The following CHD7 variants were observed in gnomAD, a reference collection of about 807,000 sequenced individuals.
CHD7 encodes the protein ATP-dependent chromatin remodeler CHD7.
In CHD7, 24 loss-of-function variants were observed where a neutral mutation model predicts 307.3. The ratio of observed to expected loss-of-function variants is 0.08; its 90% CI spans 0.06 to 0.11. CHD7 has a LOEUF of 0.11. Ranked by LOEUF, CHD7 falls within the 10% of genes least tolerant of loss-of-function variation. CHD7 has a pLI of 1.00. For missense variants in CHD7, 3,106 were observed against 3,727.1 expected, an observed-to-expected ratio of 0.83 and a Z score of 4.34; for synonymous variants, 1,363 against 1,349.9, an observed-to-expected ratio of 1.01 and a Z score of -0.21.
intron 34 of CHD7, among the ~76,000 whole-genome samples, chr8:60,859,493 T>A (rs994018436): frequency 1.2e-4 from 19 of 152,210 alleles, no homozygotes; most frequent in Admixed American, 1.1e-3. Flanking sequence ...TAAATCATAA[T>A]GTGTCCTGGT....
At chr8:60,767,075 C>G (rs898991210) in intron 2 of CHD7, among the ~76,000 whole-genome samples, 1 of 152,080 alleles carries the variant, frequency 6.6e-6, no homozygotes, top group Non-Finnish European at 1.5e-5. Context: ...TGCGAAGAAG[C>G]GAGGAGTGAG....
At position 60,779,918 on chromosome 8, in the gene CHD7, G is replaced by A. The variant is rs138677898; in HGVS notation, c.1666-1082G>A. On this transcript the variant is annotated intron_variant, in intron 2 of 37. Coordinates refer to ENST00000423902, the MANE Select transcript of CHD7 (RefSeq NM_017780.4). ...CACCTAACGCTTAGGGCTGGTGTGA[G>A]GATTGAATGGTACCACGGTGTAAAG... Among the ~76,000 whole-genome samples the A allele has an allele frequency of 3.9e-5, 6 of 152,274 alleles. No individual in the cohort carries two copies. In the East Asian group the frequency reaches 1.2e-3, roughly 29 times the overall value.
At chr8:60,797,444 A>G (rs113747424) in intron 4 of CHD7, among the ~76,000 whole-genome samples, 5 of 152,364 alleles carry the variant, frequency 3.3e-5, no homozygotes, top group African/African-American at 9.6e-5. Flanking sequence ...ATAAATTTCT[A>G]TTTAAAAAGA....
chr8:60,773,056 C>T (rs570663531), intron 2 of CHD7, among the ~76,000 whole-genome samples: 60 of 152,290 alleles, frequency 3.9e-4, no homozygotes, highest in Non-Finnish European at 6.2e-4. Context: ...ACAATATCAC[C>T]CACCTCACCA....
chr8:60,781,132 A>G lies in CHD7; in HGVS notation c.1798A>G (p.Lys600Glu), dbSNP rs775890348. 11 of 1,610,622 alleles carry G rather than the reference A, an allele frequency of 6.8e-6. No individual in the cohort carries two copies. Among genetic ancestry groups the G allele is most frequent in the Non-Finnish European group, 9.3e-6 (11 of 1,178,312 alleles). ...ACAGCAGCCACAACAAAAGAAGAAG[A>G]AAAAGAAAAACAACCACATTGTAGC... The part of the protein sequence containing the change: ...IEQQPQQKKK[K>E]KKNNHIVAED... The change falls in exon 3 of 38, where the codon AAA (lysine) becomes GAA (glutamate). Residue 600 changes from lysine (K) to glutamate (E), a missense_variant. Transcript: ENST00000423902.
At chr8:60,805,812 CAT>C (rs1367563290) in intron 6 of CHD7, among the ~76,000 whole-genome samples, 4 of 151,918 alleles carry the variant, frequency 2.6e-5, no homozygotes, top group Non-Finnish European at 2.9e-5. Context: ...TGATTTATAA[CAT>C]ATATATCAGT....
intron 1 of CHD7, among the ~76,000 whole-genome samples, chr8:60,700,492 G>A (rs7004550): frequency 0.037 from 5,606 of 152,246 alleles, 324 homozygotes; most frequent in African/African-American, 0.13. Context: ...TCAGCACCAC[G>A]GAAGATTACT....
intron 1 of CHD7, among the ~76,000 whole-genome samples, chr8:60,700,695 A>G (rs983951372): frequency 6.6e-6 from 1 of 152,238 alleles, no homozygotes; most frequent in African/African-American, 2.4e-5. Context: ...GTTGGCAGCC[A>G]TTGGAGGCAG....
chr8:60,678,959 C>A lies in CHD7; in HGVS notation c.-298C>A, dbSNP rs886063028. 7 of 151,960 alleles carry A rather than the reference C, an allele frequency of 4.6e-5. No individual in the cohort carries two copies. Among genetic ancestry groups the A allele is most frequent in the African/African-American group, 1.2e-4 (5 of 41,370 alleles). 9.4% of individuals were successfully genotyped at this position (151,960 alleles called of 1,614,324 possible). ...CTGAAACTCACCAGAGACCCGTTCG[C>A]CCCCGGCCAACTCCGTGCCCGTGGA... On this transcript the variant is annotated 5_prime_UTR_variant, in exon 1 of 38. Transcript: ENST00000423902.
At chr8:60,767,231 G>A (rs1257412210) in intron 2 of CHD7, among the ~76,000 whole-genome samples, 1 of 152,176 alleles carries the variant, frequency 6.6e-6, no homozygotes, top group African/African-American at 2.4e-5. Context: ...AGTGAAAACA[G>A]CAAATATTGT....
At chr8:60,679,440 G>GGC (rs1805454228) in intron 1 of CHD7, 1 of 145,778 alleles carries the variant, frequency 6.9e-6, no homozygotes, top group Non-Finnish European at 1.5e-5. Flanking sequence ...TGCCGGCGTG[G>GGC]GGGGGGGGTA....
chr8:60,857,020 GT>G, intron 34 of CHD7, 132 bp downstream of exon 34: 1 of 732,902 alleles, frequency 1.4e-6, no homozygotes, highest in Non-Finnish European at 2.2e-6. Flanking sequence ...TAAAGAAATA[GT>G]TTTACAATAA....
chr8:60,864,105 A>C (rs1806133459), intron 37 of CHD7: 1 of 151,324 alleles, frequency 6.6e-6, no homozygotes, highest in Non-Finnish European at 1.5e-5. Flanking sequence ...TGCAAGGTGT[A>C]CAGCACAGTG....
intron 6 of CHD7, among the ~76,000 whole-genome samples, chr8:60,807,019 A>G (rs1457061272): frequency 6.6e-6 from 1 of 152,202 alleles, no homozygotes; most frequent in Admixed American, 6.5e-5. Flanking sequence ...AGCAAATCCT[A>G]TCTCAGAAAA....
At chr8:60,754,536 A>G (rs572045719) in intron 2 of CHD7, among the ~76,000 whole-genome samples, 27 of 152,268 alleles carry the variant, frequency 1.8e-4, no homozygotes, top group Middle Eastern at 3.4e-3. Flanking sequence ...ATTTTGGAAA[A>G]CAGGACATCA....
At chr8:60,837,952 T>G (rs924683791) in intron 18 of CHD7, 117 bp downstream of exon 18, 51 of 1,261,522 alleles carry the variant, frequency 4.0e-5, no homozygotes, top group Non-Finnish European at 5.5e-5. Flanking sequence ...TAAGTGTATT[T>G]TGTAACACTT....
At chr8:60,761,260 C>A (rs1432908301) in intron 2 of CHD7, among the ~76,000 whole-genome samples, 1 of 145,418 alleles carries the variant, frequency 6.9e-6, no homozygotes, top group South Asian at 2.1e-4. Flanking sequence ...CCAAACACCG[C>A]ATATTCTCAC....
intron 34 of CHD7, among the ~76,000 whole-genome samples, chr8:60,859,339 C>G (rs923542368): frequency 2.0e-5 from 3 of 152,206 alleles, no homozygotes; most frequent in African/African-American, 7.2e-5. Context: ...AGCACTCTAA[C>G]TGTGCTGCCA....
At chr8:60,758,719 A>G (rs1259199278) in intron 2 of CHD7, among the ~76,000 whole-genome samples, 1 of 152,180 alleles carries the variant, frequency 6.6e-6, no homozygotes, top group Non-Finnish European at 1.5e-5. Flanking sequence ...AGGGTGGCCC[A>G]TTCAACTCAC....
Sources: gnomAD v4.1 joint callset for allele counts (sites outside exome capture counted in the v4.1 genomes callset) on GRCh38, gnomAD v4.1.1 for gene constraint, MANE v1.5 for transcripts, NCBI Gene and HGNC (gene_info 2026-07-23, HGNC 2026-07-21) for gene names.